Variants in RALGAPA2 observed in about 807,000 individuals in gnomAD.
The protein encoded by RALGAPA2 is ral GTPase-activating protein subunit alpha-2.
RALGAPA2 carries 139 observed loss-of-function variants against 230.4 expected under a neutral mutation model. That is an observed-to-expected ratio of 0.60 (90% CI 0.53 to 0.69). The LOEUF (loss-of-function observed/expected upper bound fraction) is 0.69, where lower values mean the gene tolerates loss of function less well. Ranked by LOEUF, RALGAPA2 falls within the 30% of genes least tolerant of loss-of-function variation. RALGAPA2 has a pLI of 0.00. For missense variants in RALGAPA2, 2,163 were observed against 2,276.0 expected (o/e 0.95, Z 1.01); for synonymous variants, 847 against 837.8 (o/e 1.01, Z -0.19).
chr20:20,707,894 T>C (rs2069671183), intron 1 of RALGAPA2, among the ~76,000 whole-genome samples: 1 of 152,134 alleles, frequency 6.6e-6, no homozygotes, highest in Non-Finnish European at 1.5e-5. Context: ...ACCATCACTG[T>C]CATGTTACTT....
intron 27 of RALGAPA2, 46 bp from the exon 28 acceptor site, chr20:20,526,408 G>A (rs1464357731): frequency 6.3e-6 from 8 of 1,273,150 alleles, no homozygotes; most frequent in Non-Finnish European, 8.8e-6. Context: ...AACTTAACAG[G>A]TGTATCGTTC....
At chr20:20,673,486 C>T (rs13045216) in intron 3 of RALGAPA2, among the ~76,000 whole-genome samples, 2,501 of 151,858 alleles carry the variant, frequency 0.016, 23 homozygotes, top group Non-Finnish European at 0.027. Flanking sequence ...TGCTTCTTTG[C>T]CAATACATTT....
intron 37 of RALGAPA2, among the ~76,000 whole-genome samples, chr20:20,417,948 G>A (rs1427384502): frequency 1.3e-5 from 2 of 152,188 alleles, no homozygotes; most frequent in African/African-American, 4.8e-5. Flanking sequence ...AGGAATGTAT[G>A]GGGGCAAACT....
chr20:20,468,963 T>TTGTG (rs754994354), intron 37 of RALGAPA2, among the ~76,000 whole-genome samples: 4,016 of 143,354 alleles, frequency 0.028, 101 homozygotes, highest in African/African-American at 0.071. Context: ...GTGTGTGTGT[T>TTGTG]TGTGTGTGTG....
At position 20,512,273 on chromosome 20, in the gene RALGAPA2, G is replaced by A. The variant is rs6046904; in HGVS notation, c.4856+240C>T. Among the ~76,000 whole-genome samples, 285 of 142,404 alleles carry A rather than the reference G, an allele frequency of 2.0e-3. 1 individual carries two copies. Among genetic ancestry groups the A allele is most frequent in the African/African-American group, 7.1e-3 (265 of 37,328 alleles). The allele number at this position is 142,404 out of a possible 152,430, so 93.4% of individuals were successfully genotyped here. Reference sequence around the variant, plus strand: ...CACACACACACACACACACACAAATGTTTGATATCCTTTAAAATATCCAAC... The same window carrying A: ...CACACACACACACACACACACAAATATTTGATATCCTTTAAAATATCCAAC... On this transcript the variant is annotated intron_variant, in intron 32 of 39. Coordinates refer to ENST00000202677, the MANE Select transcript of RALGAPA2 (RefSeq NM_020343.4).
intron 23 of RALGAPA2, among the ~76,000 whole-genome samples, chr20:20,547,793 TA>T (rs560203101): frequency 4.0e-4 from 61 of 152,350 alleles, no homozygotes; most frequent in African/African-American, 1.4e-3. Context: ...AATGTGCTGT[TA>T]GGCAATCTAT....
intron 14 of RALGAPA2, among the ~76,000 whole-genome samples, chr20:20,607,214 C>G (rs945308532): frequency 1.3e-4 from 20 of 152,174 alleles, no homozygotes; most frequent in African/African-American, 4.6e-4. Flanking sequence ...CAGGAAAACT[C>G]TGATAAACAG....
At chr20:20,705,414 C>A (rs1267253426) in intron 1 of RALGAPA2, among the ~76,000 whole-genome samples, 3 of 151,994 alleles carry the variant, frequency 2.0e-5, no homozygotes, top group African/African-American at 7.2e-5. Context: ...CACTATATTG[C>A]CCAGGCTAGT....
chr20:20,603,796 G>C (rs973419232), intron 15 of RALGAPA2, among the ~76,000 whole-genome samples: 1 of 152,222 alleles, frequency 6.6e-6, no homozygotes, highest in Non-Finnish European at 1.5e-5. Context: ...ATAAGTGGTT[G>C]TTATTTTAAG....
intron 3 of RALGAPA2, among the ~76,000 whole-genome samples, chr20:20,672,478 A>G (rs1004143854): frequency 6.6e-6 from 1 of 152,234 alleles, no homozygotes; most frequent in African/African-American, 2.4e-5. Context: ...CCAGCCACAT[A>G]AGAATGCCAA....
chr20:20,557,264 G>A (rs932460569), intron 23 of RALGAPA2, among the ~76,000 whole-genome samples: 3 of 151,990 alleles, frequency 2.0e-5, no homozygotes, highest in Non-Finnish European at 2.9e-5. Flanking sequence ...AGCCAAGATC[G>A]TGCCACTGCA....
intron 12 of RALGAPA2, 131 bp from the exon 13 acceptor site, chr20:20,616,322 A>G (rs899194096): frequency 1.2e-5 from 10 of 844,612 alleles, no homozygotes; most frequent in Non-Finnish European, 1.6e-5. Flanking sequence ...TTCTATTTCA[A>G]TAAGGCAAGT....
chr20:20,430,020 C>T (rs2060469336), intron 37 of RALGAPA2, among the ~76,000 whole-genome samples: 1 of 152,256 alleles, frequency 6.6e-6, no homozygotes, highest in Admixed American at 6.5e-5. Context: ...GCCCTGAGTT[C>T]AGATGCAGAC....
At chr20:20,462,858 T>C (rs898335516) in intron 37 of RALGAPA2, among the ~76,000 whole-genome samples, 1 of 152,246 alleles carries the variant, frequency 6.6e-6, no homozygotes, top group Non-Finnish European at 1.5e-5. Flanking sequence ...TTATCCTTTT[T>C]AGAGATTTGA....
chr20:20,524,563 G>A lies in RALGAPA2; in HGVS notation c.3763-20C>T, dbSNP rs201227293. 1.1e-3 allele frequency: 1,771 copies of A among 1,613,508 alleles called. 6 individuals carry two copies. The highest frequency in any genetic ancestry group is 2.1e-3 in the South Asian group (191 of 91,010). ...AATAAACTGGAAGAAGAACATGCCCGGTAGCTTATGCTGCAGTCTCTTAAA... is the reference window on the plus strand; with the variant it reads ...AATAAACTGGAAGAAGAACATGCCCAGTAGCTTATGCTGCAGTCTCTTAAA... On this transcript the variant is annotated intron_variant, in intron 29 of 39. Transcript: ENST00000202677.
chr20:20,697,133 G>A (rs1413396163), intron 1 of RALGAPA2, among the ~76,000 whole-genome samples: 1 of 152,146 alleles, frequency 6.6e-6, no homozygotes, highest in Non-Finnish European at 1.5e-5. Context: ...TATGTGGAAT[G>A]ACTTTAAAAA....
chr20:20,704,107 C>T (rs2069504645), intron 1 of RALGAPA2, among the ~76,000 whole-genome samples: 1 of 152,090 alleles, frequency 6.6e-6, no homozygotes, highest in Non-Finnish European at 1.5e-5. Flanking sequence ...ATGACTTCAC[C>T]TGCTACCTTC....
At chr20:20,428,198 A>G (rs1387583133) in intron 37 of RALGAPA2, among the ~76,000 whole-genome samples, 1 of 152,216 alleles carries the variant, frequency 6.6e-6, no homozygotes, top group Non-Finnish European at 1.5e-5. Flanking sequence ...TATTCTGCCT[A>G]AACTCATAAA....
chr20:20,521,092 G>A lies in RALGAPA2; in HGVS notation c.3909C>T (p.His1303=). The part of the protein sequence containing the change: ...PLLDYIYRVL[H]CCVCGSSTYT... Reference sequence around the variant, plus strand: ...ACGTGCTTGAGCCACACACACAGCAGTGCAAAACCTGTGAAAACAGAGGCC... The same window carrying A: ...ACGTGCTTGAGCCACACACACAGCAATGCAAAACCTGTGAAAACAGAGGCC... Residue 1303 remains histidine (H), a synonymous_variant, in exon 31 of 40, where the codon CAC becomes CAT. Transcript: ENST00000202677. 1 of 1,604,354 alleles carries A rather than the reference G, an allele frequency of 6.2e-7. No individual in the cohort carries two copies. Among genetic ancestry groups the A allele is most frequent in the Non-Finnish European group, 8.5e-7 (1 of 1,172,554 alleles).
Sources: gnomAD v4.1 joint callset for allele counts (sites outside exome capture counted in the v4.1 genomes callset) on GRCh38, gnomAD v4.1.1 for gene constraint, MANE v1.5 for transcripts, NCBI Gene and HGNC (gene_info 2026-07-23, HGNC 2026-07-21) for gene names.